Variants in SCMH1 observed in about 807,000 individuals in gnomAD.
SCMH1 encodes polycomb protein SCMH1.
SCMH1 carries 37 observed loss-of-function variants against 70.8 expected under a neutral mutation model. The observed-to-expected ratio is 0.52, with a 90% confidence interval of 0.40 to 0.69. The LOEUF (loss-of-function observed/expected upper bound fraction) is 0.69. Ranked by LOEUF, SCMH1 falls within the 30% of genes least tolerant of loss-of-function variation. The pLI, the probability that SCMH1 is intolerant of heterozygous loss-of-function variation, is 0.00. For synonymous variants in SCMH1, 292 were observed against 307.4 expected, an observed-to-expected ratio of 0.95 and a Z score of 0.52; for missense variants, 607 against 827.3, an observed-to-expected ratio of 0.73 and a Z score of 3.27.
rs116943318 is a variant in SCMH1, at chr1:41,089,478, C to T, written c.746-14027G>A. ...ACAATCTGATCGTTTTTCATAAGTCCCCTTCATACTTCTTTGGCCTAAGCC... is the reference window on the plus strand; with the variant it reads ...ACAATCTGATCGTTTTTCATAAGTCTCCTTCATACTTCTTTGGCCTAAGCC... On this transcript the variant is annotated intron_variant, in intron 8 of 14. Coordinates refer to ENST00000337495, the Ensembl canonical transcript of SCMH1. Among the ~76,000 whole-genome samples, 290 of 152,110 alleles carry T rather than the reference C, an allele frequency of 1.9e-3. 5 individuals are homozygous for T. In the East Asian group the frequency reaches 0.049, roughly 26 times the overall value.
intron 10 of SCMH1, among the ~76,000 whole-genome samples, chr1:41,055,788 G>A (rs2148757691): frequency 6.6e-6 from 1 of 152,252 alleles, no homozygotes; most frequent in South Asian, 2.1e-4. Flanking sequence ...AGGTCGTCGG[G>A]ACAAGAAGAA....
chr1:41,123,576 T>C (rs1672464972), intron 6 of SCMH1, among the ~76,000 whole-genome samples: 1 of 152,202 alleles, frequency 6.6e-6, no homozygotes, highest in Non-Finnish European at 1.5e-5. Flanking sequence ...GCCTAGACCC[T>C]GAAAATTTTA....
At chr1:41,191,654 T>C (rs1006546400) in intron 1 of SCMH1, among the ~76,000 whole-genome samples, 11 of 152,176 alleles carry the variant, frequency 7.2e-5, no homozygotes, top group Admixed American at 5.2e-4. Flanking sequence ...AATCCTACCA[T>C]CTCTAGCCAA....
intron 9 of SCMH1, 109 bp from the exon 10 acceptor site, chr1:41,070,830 G>T: frequency 7.5e-7 from 1 of 1,327,356 alleles, no homozygotes; most frequent in Non-Finnish European, 1.0e-6. Context: ...GGATGGAATA[G>T]TGTTTTATCT....
chr1:41,086,939 C>T (rs1281707878), intron 8 of SCMH1, among the ~76,000 whole-genome samples: 1 of 141,248 alleles, frequency 7.1e-6, no homozygotes, highest in African/African-American at 2.6e-5. Context: ...ATAACAATAA[C>T]TAAGAAAACA....
intron 13 of SCMH1, among the ~76,000 whole-genome samples, chr1:41,034,491 C>T (rs145547640): frequency 1.3e-5 from 2 of 152,174 alleles, no homozygotes; most frequent in African/African-American, 2.4e-5. Flanking sequence ...CCACGTCCGG[C>T]TAATTTTTTG....
intron 10 of SCMH1, among the ~76,000 whole-genome samples, chr1:41,052,458 C>A (rs887151747): frequency 6.6e-6 from 1 of 152,212 alleles, no homozygotes; most frequent in Admixed American, 6.5e-5. Flanking sequence ...ATCCCCCATG[C>A]CACTGGTCCA....
chr1:41,229,622 G>A (rs1300608060), intron 1 of SCMH1, among the ~76,000 whole-genome samples: 1 of 152,038 alleles, frequency 6.6e-6, no homozygotes, highest in Non-Finnish European at 1.5e-5. Context: ...GATAGCATTA[G>A]GAGAAATACC....
chr1:41,028,077 G>A (rs11555079), exon 15 of SCMH1: 243,767 of 1,268,744 alleles, frequency 0.19, 25,607 homozygotes, highest in Non-Finnish European at 0.22. Context: ...ACAGCCTCTT[G>A]GAGTCCTGAG....
At chr1:41,071,452 GA>G (rs1656465517) in intron 9 of SCMH1, among the ~76,000 whole-genome samples, 1 of 152,004 alleles carries the variant, frequency 6.6e-6, no homozygotes, top group South Asian at 2.1e-4. Flanking sequence ...TATTCACCTG[GA>G]AATCTTTGAA....
chr1:41,232,324 T>C (rs546562720), intron 1 of SCMH1, among the ~76,000 whole-genome samples: 53 of 152,346 alleles, frequency 3.5e-4, no homozygotes, highest in African/African-American at 1.2e-3. Flanking sequence ...TAGTCATATA[T>C]CTGCTCAAAT....
intron 10 of SCMH1, among the ~76,000 whole-genome samples, chr1:41,052,845 G>A (rs901188405): frequency 1.3e-5 from 2 of 151,808 alleles, no homozygotes; most frequent in Non-Finnish European, 2.9e-5. Context: ...GAACTTCGGG[G>A]GTGGCAGAAA....
intron 1 of SCMH1, among the ~76,000 whole-genome samples, chr1:41,234,924 T>G (rs1163371854): frequency 6.6e-6 from 1 of 152,152 alleles, no homozygotes; most frequent in Non-Finnish European, 1.5e-5. Context: ...ACTTTGAATA[T>G]GTTTCCACCA....
At chr1:41,075,429 A>G in exon 9 of SCMH1, 2 of 1,614,084 alleles carry the variant, frequency 1.2e-6, no homozygotes, top group Non-Finnish European at 1.7e-6. Context: ...CGGAGGCAGG[A>G]TAGGGATTCT....
chr1:41,213,680 C>G (rs1454872331), intron 1 of SCMH1, among the ~76,000 whole-genome samples: 1 of 152,170 alleles, frequency 6.6e-6, no homozygotes, highest in Non-Finnish European at 1.5e-5. Context: ...TTATCTACTT[C>G]ATTATCACAT....
chr1:41,046,038 C>T (rs1312835753), intron 12 of SCMH1, among the ~76,000 whole-genome samples: 1 of 152,146 alleles, frequency 6.6e-6, no homozygotes, highest in Non-Finnish European at 1.5e-5. Flanking sequence ...CTAAACCTTC[C>T]TGCTGGCAAG....
intron 13 of SCMH1, among the ~76,000 whole-genome samples, chr1:41,029,317 A>G (rs1644189287): frequency 1.3e-5 from 2 of 152,152 alleles, no homozygotes; most frequent in Non-Finnish European, 2.9e-5. Flanking sequence ...GGTTCAAGCA[A>G]TTGTCCTGCC....
chr1:41,059,476 C>T (rs1163189528), intron 10 of SCMH1, among the ~76,000 whole-genome samples: 1 of 152,208 alleles, frequency 6.6e-6, no homozygotes, highest in African/African-American at 2.4e-5. Context: ...GTCAGCCAAA[C>T]TCCAGGAAGA....
intron 6 of SCMH1, among the ~76,000 whole-genome samples, chr1:41,138,224 GA>G (rs1486600102): frequency 5.9e-5 from 9 of 152,016 alleles, no homozygotes; most frequent in Non-Finnish European, 1.3e-4. Context: ...AAGTTTAGAA[GA>G]AATTTTCTTA....
Sources: gnomAD v4.1 joint callset for allele counts (sites outside exome capture counted in the v4.1 genomes callset) on GRCh38, gnomAD v4.1.1 for gene constraint, MANE v1.5 for transcripts, NCBI Gene and HGNC (gene_info 2026-07-23, HGNC 2026-07-21) for gene names.